Variants in PRDM5 observed in about 807,000 individuals in gnomAD.
PRDM5 encodes PR domain zinc finger protein 5.
A neutral mutation model predicts 81.2 loss-of-function variants in PRDM5; 56 were observed. The observed-to-expected ratio is 0.69, with a 90% CI of 0.56 to 0.86. The LOEUF (loss-of-function observed/expected upper bound fraction) is 0.86, where lower values mean the gene tolerates loss of function less well. Among genes scored for constraint, PRDM5 ranks in the 40% least tolerant of loss-of-function variants. The pLI is 0.00. For synonymous variants in PRDM5, 267 were observed against 256.4 expected (o/e 1.04, Z -0.39); for missense variants, 697 against 770.1 (o/e 0.91, Z 1.12).
intron 1 of PRDM5, among the ~76,000 whole-genome samples, chr4:120,685,408 A>G (rs949401961): frequency 3.9e-5 from 6 of 152,112 alleles, no homozygotes; most frequent in African/African-American, 1.4e-4. Context: ...ATAAAGTATT[A>G]TGTGTTAAAT....
At chr4:120,702,076 C>T (rs1026667231) in intron 15 of PRDM5, among the ~76,000 whole-genome samples, 7 of 152,170 alleles carry the variant, frequency 4.6e-5, no homozygotes, top group African/African-American at 1.4e-4. Flanking sequence ...TAGGGGCAAG[C>T]ATGCAAGTAA....
intron 10 of PRDM5, among the ~76,000 whole-genome samples, chr4:120,797,194 T>C (rs1384349664): frequency 6.6e-6 from 1 of 152,108 alleles, no homozygotes; most frequent in Non-Finnish European, 1.5e-5. Flanking sequence ...AAATATTTAG[T>C]TGTTTTAGGT....
chr4:120,907,639 G>T, intron 1 of PRDM5, 82 bp from the exon 2 acceptor site: 1 of 1,088,882 alleles, frequency 9.2e-7, no homozygotes, highest in Non-Finnish European at 1.4e-6. Context: ...CTTCTGGAAT[G>T]TTTTTCTGCA....
chr4:120,786,932 T>G (rs1749841883), intron 10 of PRDM5, among the ~76,000 whole-genome samples: 1 of 152,222 alleles, frequency 6.6e-6, no homozygotes. Context: ...ATGCGTTTCA[T>G]GCCTCTACTA....
At chr4:120,784,465 G>A (rs1328510358) in intron 11 of PRDM5, among the ~76,000 whole-genome samples, 1 of 152,072 alleles carries the variant, frequency 6.6e-6, no homozygotes, top group Non-Finnish European at 1.5e-5. Flanking sequence ...ACCTATCAGG[G>A]ACCTGTTTGC....
intron 14 of PRDM5, among the ~76,000 whole-genome samples, chr4:120,750,712 A>G (rs976669574): frequency 1.1e-3 from 162 of 149,852 alleles, no homozygotes; most frequent in Non-Finnish European, 1.8e-3. Context: ...ACACACACAC[A>G]CACACACGCG....
chr4:120,811,569 G>T, intron 7 of PRDM5, 120 bp from the exon 8 acceptor site: 2 of 579,572 alleles, frequency 3.5e-6, no homozygotes, highest in Non-Finnish European at 3.0e-6. Flanking sequence ...ACAATTCAGT[G>T]TTGTAGATAT....
intron 3 of PRDM5, among the ~76,000 whole-genome samples, chr4:120,824,699 C>T (rs1348344566): frequency 6.6e-6 from 1 of 151,882 alleles, no homozygotes; most frequent in East Asian, 1.9e-4. Context: ...TTCTACTGCA[C>T]AGTGTTTGTA....
chr4:120,751,360 A>G (rs1259876594), intron 14 of PRDM5, among the ~76,000 whole-genome samples: 1 of 152,184 alleles, frequency 6.6e-6, no homozygotes, highest in East Asian at 1.9e-4. Flanking sequence ...AAACAGAGAA[A>G]AACACCGAGA....
At chr4:120,870,432 T>G (rs1288117441) in intron 2 of PRDM5, among the ~76,000 whole-genome samples, 3 of 151,894 alleles carry the variant, frequency 2.0e-5, no homozygotes, top group Non-Finnish European at 4.4e-5. Context: ...AGGACCTGCT[T>G]GGAAAGAGCT....
At chr4:120,771,036 C>G (rs1388852823) in intron 13 of PRDM5, among the ~76,000 whole-genome samples, 6 of 151,918 alleles carry the variant, frequency 3.9e-5, no homozygotes, top group Admixed American at 1.3e-4. Flanking sequence ...CATTTCTTTT[C>G]ATGTTATTTA....
chr4:120,913,678 A>G (rs1419131378), intron 1 of PRDM5, among the ~76,000 whole-genome samples: 2 of 152,152 alleles, frequency 1.3e-5, no homozygotes, highest in Admixed American at 6.6e-5. Context: ...CTGTGGGCAA[A>G]TGGATGCAAG....
chr4:120,894,637 T>G (rs1764416989), intron 2 of PRDM5, among the ~76,000 whole-genome samples: 1 of 152,200 alleles, frequency 6.6e-6, no homozygotes, highest in Non-Finnish European at 1.5e-5. Flanking sequence ...ACATTTAACT[T>G]TATTGTAAAA....
At chr4:120,845,929 C>T (rs189889768) in intron 3 of PRDM5, among the ~76,000 whole-genome samples, 20 of 152,174 alleles carry the variant, frequency 1.3e-4, no homozygotes, top group Admixed American at 9.2e-4. Context: ...TTGAGGTGTT[C>T]AAAACTTCAG....
At chr4:120,917,138 ACCT>A (rs1416374143) in intron 1 of PRDM5, among the ~76,000 whole-genome samples, 5 of 151,930 alleles carry the variant, frequency 3.3e-5, no homozygotes, top group Admixed American at 6.6e-5. Context: ...TAGCCCTCTG[ACCT>A]CCTCCTCAAC....
downstream of PRDM5, among the ~76,000 whole-genome samples, chr4:120,690,754 A>G (rs1734011502): frequency 6.6e-6 from 1 of 152,160 alleles, no homozygotes; most frequent in Non-Finnish European, 1.5e-5. Context: ...TTTTAAGTGT[A>G]GCTAATTCCT....
chr4:120,751,484 G>C (rs1223793480), intron 14 of PRDM5, among the ~76,000 whole-genome samples: 1 of 150,192 alleles, frequency 6.7e-6, no homozygotes, highest in Non-Finnish European at 1.5e-5. Flanking sequence ...CAGAAAGAAA[G>C]GGACAAAACA....
intron 10 of PRDM5, among the ~76,000 whole-genome samples, chr4:120,794,346 G>A (rs533790190): frequency 2.0e-5 from 3 of 151,740 alleles, no homozygotes; most frequent in African/African-American, 7.3e-5. Context: ...TTTTTACTAT[G>A]TTAAACTTAC....
At chr4:120,737,665 T>C (rs1328230198) in intron 14 of PRDM5, among the ~76,000 whole-genome samples, 5 of 152,180 alleles carry the variant, frequency 3.3e-5, no homozygotes, top group African/African-American at 1.2e-4. Context: ...TCTCATACCT[T>C]CTTGTCAAGT....
Sources: allele counts gnomAD v4.1 joint callset (sites outside exome capture counted in the v4.1 genomes callset), GRCh38; gene constraint gnomAD v4.1.1; transcripts MANE v1.5; gene names NCBI Gene and HGNC (gene_info 2026-07-23, HGNC 2026-07-21).